DCC: variants seen among roughly 807,000 people sequenced by gnomAD.
The protein encoded by DCC is DCC netrin 1 receptor.
In DCC, 58 loss-of-function variants were observed where a neutral mutation model predicts 172.5. That is an observed-to-expected ratio of 0.34 (90% CI 0.27 to 0.42). The LOEUF (loss-of-function observed/expected upper bound fraction) is 0.42, where lower values mean the gene tolerates loss of function less well. Ranked by LOEUF, DCC falls within the 10% of genes least tolerant of loss-of-function variation. DCC has a pLI of 1.00. For missense variants in DCC, 1,740 were observed against 1,791.0 expected (o/e 0.97, Z 0.51); for synonymous variants, 709 against 644.5 (o/e 1.10, Z -1.52).
intron 1 of DCC, among the ~76,000 whole-genome samples, chr18:52,367,266 G>T (rs1341096467): frequency 1.3e-5 from 2 of 152,178 alleles, no homozygotes; most frequent in East Asian, 1.9e-4. Context: ...ACGCAGCCCC[G>T]GTTCCCGCTC....
intron 2 of DCC, among the ~76,000 whole-genome samples, chr18:52,868,053 A>ATATATGTGTG (rs61579666): frequency 4.9e-5 from 7 of 144,326 alleles, no homozygotes; most frequent in African/African-American, 1.8e-4. Flanking sequence ...ATATATATAT[A>ATATATGTGTG]TGTGTGTGTG....
chr18:53,134,453 C>A (rs560552406), intron 7 of DCC, among the ~76,000 whole-genome samples: 2 of 152,262 alleles, frequency 1.3e-5, no homozygotes, highest in Non-Finnish European at 2.9e-5. Context: ...ATAACATACA[C>A]TCCTCTCAAG....
At chr18:52,669,838 C>T (rs918096718) in intron 1 of DCC, among the ~76,000 whole-genome samples, 4 of 151,456 alleles carry the variant, frequency 2.6e-5, no homozygotes, top group Admixed American at 6.6e-5. Context: ...TAAGGAGAAG[C>T]GTTTGAAAAA....
chr18:52,395,179 G>A (rs768987838), intron 1 of DCC, among the ~76,000 whole-genome samples: 11 of 152,036 alleles, frequency 7.2e-5, no homozygotes, highest in African/African-American at 1.2e-4. Flanking sequence ...TTAAAGGCAA[G>A]CAGATTCAGG....
chr18:52,824,440 T>C (rs1392190170), intron 2 of DCC, among the ~76,000 whole-genome samples: 1 of 149,490 alleles, frequency 6.7e-6, no homozygotes, highest in African/African-American at 2.6e-5. Context: ...GCTGGCAGGA[T>C]TTATTGGTGG....
intron 1 of DCC, among the ~76,000 whole-genome samples, chr18:52,509,534 C>T (rs1253959645): frequency 6.6e-6 from 1 of 152,158 alleles, no homozygotes; most frequent in African/African-American, 2.4e-5. Context: ...GGAAGATTCC[C>T]TTTATGAGAT....
intron 1 of DCC, among the ~76,000 whole-genome samples, chr18:52,610,169 AAAAAAAAAAAT>A (rs2034232133): frequency 3.7e-5 from 1 of 27,240 alleles, no homozygotes; most frequent in Non-Finnish European, 6.2e-5. Context: ...AAAAAAAAAA[AAAAAAAAAAAT>A]ATATATATAT....
intron 1 of DCC, among the ~76,000 whole-genome samples, chr18:52,401,766 A>C (rs1199779590): frequency 6.6e-6 from 1 of 152,038 alleles, no homozygotes; most frequent in Non-Finnish European, 1.5e-5. Context: ...TTCTGTTAGA[A>C]GTTCATTATG....
At chr18:52,710,856 C>A (rs568685549) in intron 1 of DCC, among the ~76,000 whole-genome samples, 2 of 152,122 alleles carry the variant, frequency 1.3e-5, no homozygotes, top group African/African-American at 2.4e-5. Flanking sequence ...TTAGAAATAA[C>A]TTTATTGTAT....
At chr18:53,203,247 G>A (rs977816003) in intron 9 of DCC, among the ~76,000 whole-genome samples, 2 of 151,512 alleles carry the variant, frequency 1.3e-5, no homozygotes, top group African/African-American at 2.4e-5. Flanking sequence ...GTGTGTGTGT[G>A]TATGTAATTA....
At chr18:53,431,604 C>T (rs543872064) in intron 21 of DCC, among the ~76,000 whole-genome samples, 2 of 152,146 alleles carry the variant, frequency 1.3e-5, no homozygotes, top group South Asian at 2.1e-4. Context: ...TTTGCCTCCA[C>T]CTCCAGAGTA....
intron 1 of DCC, among the ~76,000 whole-genome samples, chr18:52,729,740 C>A (rs2036607569): frequency 6.6e-6 from 1 of 152,108 alleles, no homozygotes; most frequent in Admixed American, 6.5e-5. Context: ...AGCTGTGGCC[C>A]ACAGTAGAAT....
chr18:53,098,690 TA>T (rs1467348807), intron 7 of DCC, among the ~76,000 whole-genome samples: 3 of 152,260 alleles, frequency 2.0e-5, no homozygotes, highest in Non-Finnish European at 4.4e-5. Context: ...TTCCCTACTT[TA>T]AAGTTACTTT....
chr18:53,093,218 A>G (rs2043039024), intron 7 of DCC, among the ~76,000 whole-genome samples: 2 of 152,170 alleles, frequency 1.3e-5, no homozygotes, highest in African/African-American at 4.8e-5. Flanking sequence ...CGGAGGTTGC[A>G]GTGAGCTAAG....
chr18:52,904,195 T>A (rs1009749252), intron 2 of DCC, among the ~76,000 whole-genome samples: 19 of 152,216 alleles, frequency 1.2e-4, no homozygotes, highest in Non-Finnish European at 2.6e-4. Context: ...ATTAAGGTTT[T>A]TGCATGGTAT....
intron 5 of DCC, among the ~76,000 whole-genome samples, chr18:52,955,224 G>T (rs1305647216): frequency 6.6e-6 from 1 of 152,012 alleles, no homozygotes; most frequent in Non-Finnish European, 1.5e-5. Flanking sequence ...ATCCCTTCCT[G>T]CATGCTGTGC....
chr18:52,419,170 G>A (rs970453580), intron 1 of DCC: 6 of 152,166 alleles, frequency 3.9e-5, no homozygotes, highest in African/African-American at 9.7e-5. Context: ...ATTCTTCTTT[G>A]TGCTGCTTTT....
At chr18:52,571,519 T>C (rs2033292271) in intron 1 of DCC, among the ~76,000 whole-genome samples, 2 of 152,200 alleles carry the variant, frequency 1.3e-5, no homozygotes. Context: ...GAAAATGGCA[T>C]GTAACTTCAC....
intron 1 of DCC, among the ~76,000 whole-genome samples, chr18:52,381,077 A>G (rs1292582023): frequency 6.6e-6 from 1 of 152,148 alleles, no homozygotes; most frequent in South Asian, 2.1e-4. Flanking sequence ...TAGACAAGGA[A>G]AAAGGGGGGC....
Sources: gnomAD v4.1 joint callset for allele counts (sites outside exome capture counted in the v4.1 genomes callset) on GRCh38, gnomAD v4.1.1 for gene constraint, MANE v1.5 for transcripts, NCBI Gene and HGNC (gene_info 2026-07-23, HGNC 2026-07-21) for gene names.